The following CDH4 variants were observed in gnomAD, a reference collection of about 807,000 sequenced individuals.
CDH4 encodes cadherin 4.
In CDH4, 33 loss-of-function variants were observed where a neutral mutation model predicts 86.0. The ratio of observed to expected loss-of-function variants is 0.38; its 90% CI spans 0.29 to 0.51. The LOEUF (loss-of-function observed/expected upper bound fraction) is 0.51. CDH4 is among the 20% of genes least tolerant of loss of function. The pLI, the probability that CDH4 is intolerant of heterozygous loss-of-function variation, is 0.86. For synonymous variants in CDH4, 555 were observed against 549.4 expected (o/e 1.01, Z -0.14); for missense variants, 1,114 against 1,307.4 (o/e 0.85, Z 2.28).
chr20:61,315,528 G>A (rs2084471561), intron 2 of CDH4, among the ~76,000 whole-genome samples: 1 of 152,182 alleles, frequency 6.6e-6, no homozygotes, highest in Admixed American at 6.5e-5. Flanking sequence ...AAAGAAAAAG[G>A]ACGTGAGAAT....
rs1412848384 is a variant in CDH4, at chr20:61,387,354, G to GCACAAA, written c.169+132428_169+132433dup. 3.9e-5 allele frequency among the ~76,000 whole-genome samples: 4 copies of GCACAAA among 102,884 alleles called. No homozygotes were observed. The East Asian group carries it at 1.1e-3, about 28-fold the overall frequency. 67.5% of individuals were successfully genotyped at this position (102,884 alleles called of 152,430 possible). ...CACACACAGAGGCACACATACAGCT[G>GCACAAA]CACAAACACAAACACACAGCCACAC... On this transcript the variant is annotated intron_variant, in intron 2 of 15. Coordinates refer to ENST00000614565, the MANE Select transcript of CDH4 (RefSeq NM_001794.5).
chr20:61,383,392 T>C (rs2145451014), intron 2 of CDH4, among the ~76,000 whole-genome samples: 1 of 105,128 alleles, frequency 9.5e-6, no homozygotes, highest in African/African-American at 4.4e-5. Flanking sequence ...TATATGAATA[T>C]ATGATATATA....
intron 2 of CDH4, among the ~76,000 whole-genome samples, chr20:61,323,164 G>A (rs549533636): frequency 6.6e-6 from 1 of 152,318 alleles, no homozygotes; most frequent in South Asian, 2.1e-4. Context: ...GCGGCACGGG[G>A]TCTTCTGAGA....
rs201423390 is a variant in CDH4 at position 61,870,490 on chromosome 20, CT to C, written c.878-3237del. ...CAGTGCCCGATCCCTTCTTCCCTCA[CT>C]GGTCAGGGCTTTGCTTCTCTCCCTC... On this transcript the variant is annotated intron_variant, in intron 6 of 15. Coordinates refer to ENST00000614565, the MANE Select transcript of CDH4 (RefSeq NM_001794.5). Among the ~76,000 whole-genome samples the C allele has an allele frequency of 3.8e-3, 577 of 152,330 alleles. 14 individuals carry two copies. Among genetic ancestry groups the C allele is most frequent in the Admixed American group, 0.032 (489 of 15,302 alleles).
chr20:61,857,185 A>G (rs1252719125), intron 6 of CDH4, among the ~76,000 whole-genome samples: 1 of 152,108 alleles, frequency 6.6e-6, no homozygotes, highest in Non-Finnish European at 1.5e-5. Context: ...ACCGGGGGAC[A>G]CCCTCCATCT....
intron 4 of CDH4, among the ~76,000 whole-genome samples, chr20:61,774,019 G>A (rs1176426048): frequency 6.6e-6 from 1 of 152,204 alleles, no homozygotes; most frequent in Admixed American, 6.5e-5. Context: ...GCCACCAGGG[G>A]ACCCCACCAG....
intron 9 of CDH4, among the ~76,000 whole-genome samples, chr20:61,922,830 A>C (rs995701139): frequency 1.3e-5 from 2 of 152,216 alleles, no homozygotes; most frequent in African/African-American, 4.8e-5. Flanking sequence ...ATCACAGTGC[A>C]CCACAGCCTC....
chr20:61,653,515 G>A (rs1485776900), intron 2 of CDH4, among the ~76,000 whole-genome samples: 6 of 143,906 alleles, frequency 4.2e-5, no homozygotes, highest in South Asian at 4.5e-4. Flanking sequence ...AGGGGCGGCC[G>A]GGCAGAGGCG....
Position 61,565,319 on chromosome 20 carries a change from GTGCTCT to G in CDH4, c.170-178241_170-178236del, listed in dbSNP as rs1480740275. On this transcript the variant is annotated intron_variant, in intron 2 of 15. Coordinates refer to ENST00000614565, the MANE Select transcript of CDH4 (RefSeq NM_001794.5). ...GGTGGCGGTGCTCTTGGTGGTGGCG[GTGCTCT>G]TGGTGATGGTGGTAGTGGTCCTCTT... 1.6e-4 allele frequency among the ~76,000 whole-genome samples: 17 copies of G among 103,798 alleles called. 4 individuals are homozygous for G. The highest frequency in any genetic ancestry group is 3.4e-4 in the Non-Finnish European group (15 of 43,718). The allele number at this position is 103,798 out of a possible 152,430, so 68.1% of individuals were successfully genotyped here. A position where few individuals can be genotyped will look rare whatever the true frequency, so the allele number is the denominator to read the frequency against.
At chr20:61,693,206 T>A (rs904521772) in intron 2 of CDH4, among the ~76,000 whole-genome samples, 3 of 152,098 alleles carry the variant, frequency 2.0e-5, no homozygotes, top group Non-Finnish European at 2.9e-5. Flanking sequence ...GAGCAGTCAC[T>A]CCAGGCCTGT....
intron 2 of CDH4, among the ~76,000 whole-genome samples, chr20:61,529,090 T>C (rs1192984749): frequency 1.3e-5 from 2 of 152,232 alleles, no homozygotes; most frequent in Admixed American, 6.5e-5. Context: ...TAGGAAGGAA[T>C]GACCATTTTC....
rs1303982307 is a variant in CDH4, at chr20:61,807,793, G to GTGA, written c.576+34613_576+34615dup. ...GGAGTTCTGAAATATAGGAAGGGAAGTGATAGGACGTCTCTGCACACAGCA... is the reference window on the plus strand; with the variant it reads ...GGAGTTCTGAAATATAGGAAGGGAAGTGATGATAGGACGTCTCTGCACACAGCA... On this transcript the variant is annotated intron_variant, in intron 4 of 15. Coordinates refer to ENST00000614565, the MANE Select transcript of CDH4 (RefSeq NM_001794.5). The surrounding 1 kb of genome is among the most constrained non-coding windows in gnomAD (Gnocchi z 4.5). Among the ~76,000 whole-genome samples the GTGA allele has an allele frequency of 6.6e-6, 1 of 152,210 alleles. No homozygotes were observed. The highest frequency in any genetic ancestry group is 1.5e-5 in the Non-Finnish European group (1 of 68,034).
chr20:61,758,268 G>C (rs894424106), intron 3 of CDH4, among the ~76,000 whole-genome samples: 1 of 152,182 alleles, frequency 6.6e-6, no homozygotes, highest in Non-Finnish European at 1.5e-5. Flanking sequence ...CCCGTGGGAG[G>C]AGTGTTCCAG....
intron 2 of CDH4, among the ~76,000 whole-genome samples, chr20:61,557,123 C>CT (rs1306454250): frequency 6.6e-6 from 1 of 152,120 alleles, no homozygotes; most frequent in African/African-American, 2.4e-5. Context: ...AAGCCATAAG[C>CT]TAATACTAAA....
rs1033947110 is a variant in CDH4 at position 61,879,728 on chromosome 20, C to G, written c.1050+5828C>G. Among the ~76,000 whole-genome samples, 1 of 152,128 alleles carries G rather than the reference C, an allele frequency of 6.6e-6. No individual in the cohort carries two copies. Among genetic ancestry groups the G allele is most frequent in the African/African-American group, 2.4e-5 (1 of 41,424 alleles). On this transcript the variant is annotated intron_variant, in intron 7 of 15. Coordinates refer to ENST00000614565, the MANE Select transcript of CDH4 (RefSeq NM_001794.5). This position sits in a 1 kb window ranked among gnomAD's most constrained non-coding sequence, Gnocchi z 4.1. ...GGTGAACGTGCCGCCCGAGCCCCGTCCTGAAGGTGAGAGTGGGCTCTGCAG... is the reference window on the plus strand; with the variant it reads ...GGTGAACGTGCCGCCCGAGCCCCGTGCTGAAGGTGAGAGTGGGCTCTGCAG...
chr20:61,904,997 T>G (rs1366211736), intron 8 of CDH4, among the ~76,000 whole-genome samples: 1 of 152,242 alleles, frequency 6.6e-6, no homozygotes, highest in African/African-American at 2.4e-5. Context: ...TCACAGTTTC[T>G]GCCTCAGAGC....
intron 2 of CDH4, among the ~76,000 whole-genome samples, chr20:61,602,062 C>T (rs1476833568): frequency 5.9e-5 from 9 of 152,140 alleles, no homozygotes; most frequent in Non-Finnish European, 7.4e-5. Flanking sequence ...GCACCTTCTC[C>T]GGGGGTGGAG....
At position 61,743,693 on chromosome 20, in the gene CDH4, C is replaced by T. The variant is rs778014823; in HGVS notation, c.300C>T (p.Phe100=). 5 of 1,609,334 alleles carry T rather than the reference C, an allele frequency of 3.1e-6. No individual in the cohort carries two copies. Among genetic ancestry groups the T allele is most frequent in the Non-Finnish European group, 4.2e-6 (5 of 1,178,092 alleles). ...AGGTCCCCTCCGAGCAGGTGGCGTT[C>T]ACGGTGACTGCATGGGACAGCCAGA... is the stretch of plus-strand genomic sequence containing the variant. ...ELQVPSEQVA[F]TVTAWDSQTA... The change falls in exon 3 of 16, where the codon TTC becomes TTT. Residue 100 remains phenylalanine, a synonymous_variant. Transcript: ENST00000614565.
intron 13 of CDH4, among the ~76,000 whole-genome samples, chr20:61,930,135 G>GCCCT (rs1296177180): frequency 6.6e-6 from 1 of 152,224 alleles, no homozygotes; most frequent in Non-Finnish European, 1.5e-5. Flanking sequence ...TGAAGCTGTT[G>GCCCT]CCCTCCAGGA....
Sources: allele counts gnomAD v4.1 joint callset (sites outside exome capture counted in the v4.1 genomes callset), GRCh38; gene constraint gnomAD v4.1.1; non-coding constraint Gnocchi (gnomAD v3.1); transcripts MANE v1.5; gene names NCBI Gene and HGNC (gene_info 2026-07-23, HGNC 2026-07-21).